Variants in USP12 observed in about 807,000 individuals in gnomAD.
The protein encoded by USP12 is ubiquitin carboxyl-terminal hydrolase 12.
A neutral mutation model predicts 45.5 loss-of-function variants in USP12; 19 were observed. The ratio of observed to expected loss-of-function variants is 0.42; its 90% CI spans 0.29 to 0.61. USP12 has a LOEUF of 0.61. Among genes scored for constraint, USP12 ranks in the 20% least tolerant of loss-of-function variants. The pLI is 0.22. For missense variants in USP12, 242 were observed against 447.7 expected, an observed-to-expected ratio of 0.54 and a Z score of 4.15; for synonymous variants, 149 against 148.8, an observed-to-expected ratio of 1.00 and a Z score of -0.01.
intron 6 of USP12, among the ~76,000 whole-genome samples, chr13:27,083,419 C>A (rs148001162): frequency 6.6e-6 from 1 of 152,096 alleles, no homozygotes; most frequent in African/African-American, 2.4e-5. Context: ...GTTCTGTTCT[C>A]TAAGACCTGA....
At chr13:27,127,979 T>C (rs752891990) in intron 1 of USP12, among the ~76,000 whole-genome samples, 5 of 152,252 alleles carry the variant, frequency 3.3e-5, no homozygotes, top group Admixed American at 6.5e-5. Flanking sequence ...AAACTCAATG[T>C]TCCTATTAGA....
intron 1 of USP12, among the ~76,000 whole-genome samples, chr13:27,144,357 T>C (rs750964127): frequency 2.2e-4 from 34 of 152,010 alleles, no homozygotes; most frequent in Non-Finnish European, 3.4e-4. Flanking sequence ...TAGCCAGGCA[T>C]GGTGGTGCAT....
intron 1 of USP12, among the ~76,000 whole-genome samples, chr13:27,139,587 G>A (rs1262806716): frequency 6.6e-6 from 1 of 152,184 alleles, no homozygotes; most frequent in African/African-American, 2.4e-5. Context: ...CTGCACTCCA[G>A]CCTGGGAGAA....
chr13:27,099,668 A>G (rs1362958064), intron 3 of USP12, among the ~76,000 whole-genome samples: 1 of 110,648 alleles, frequency 9.0e-6, no homozygotes, highest in Non-Finnish European at 1.8e-5. Flanking sequence ...CTCTTGCATT[A>G]CATGGTAAAA....
chr13:27,101,884 G>A (rs1874877060), intron 3 of USP12, among the ~76,000 whole-genome samples: 1 of 152,112 alleles, frequency 6.6e-6, no homozygotes, highest in South Asian at 2.1e-4. Flanking sequence ...ATCTGTTTTT[G>A]TATCTCTCCA....
intron 4 of USP12, 39 bp from the exon 5 acceptor site, chr13:27,090,197 C>A: frequency 6.6e-7 from 1 of 1,509,372 alleles, no homozygotes; most frequent in Non-Finnish European, 9.1e-7. Flanking sequence ...TTTTCAAATA[C>A]TAGTAAACCA....
intron 6 of USP12, among the ~76,000 whole-genome samples, chr13:27,081,009 ATTTTTTTTTTTT>A (rs372527345): frequency 7.0e-5 from 8 of 114,622 alleles, no homozygotes; most frequent in African/African-American, 2.3e-4. Context: ...GGCTGAGGCA[ATTTTTTTTTTTT>A]TTTTTTTTTT....
chr13:27,146,395 C>T (rs1480256000), intron 1 of USP12, among the ~76,000 whole-genome samples: 1 of 152,046 alleles, frequency 6.6e-6, no homozygotes, highest in Non-Finnish European at 1.5e-5. Context: ...AAGCCAGACT[C>T]TGTCTCAAAA....
chr13:27,149,886 C>T (rs1347825368), intron 1 of USP12, among the ~76,000 whole-genome samples: 2 of 152,230 alleles, frequency 1.3e-5, no homozygotes, highest in Non-Finnish European at 2.9e-5. Flanking sequence ...GTTCACACTC[C>T]TGAGAATCTA....
In USP12 at chr13:27,073,931, G is replaced by A. The variant is rs530330684; in HGVS notation, c.932+1260C>T. 2.0e-4 allele frequency among the ~76,000 whole-genome samples: 30 copies of A among 152,216 alleles called. 1 individual carries two copies. Among genetic ancestry groups the A allele is most frequent in the Middle Eastern group, 3.4e-3 (1 of 294 alleles). ...AACCCGGTCTGAATCACTACACCAA[G>A]GTTCTTTAAGTAATCTTGACACTGC... On this transcript the variant is annotated intron_variant, in intron 7 of 8. Transcript: ENST00000282344.
At chr13:27,105,173 GGCTT>G (rs1875069468) in intron 3 of USP12, among the ~76,000 whole-genome samples, 1 of 152,074 alleles carries the variant, frequency 6.6e-6, no homozygotes, top group African/African-American at 2.4e-5. Flanking sequence ...AGGGAGGTGG[GGCTT>G]ACTCAGTAAC....
chr13:27,103,606 A>AAAAAAAT (rs1555234500), intron 3 of USP12, among the ~76,000 whole-genome samples: 1 of 118,304 alleles, frequency 8.5e-6, no homozygotes, highest in African/African-American at 3.3e-5. Context: ...ATCAAAAAAA[A>AAAAAAAT]AAATAATAAT....
chr13:27,088,018 G>T (rs940319894), intron 6 of USP12, among the ~76,000 whole-genome samples: 45 of 152,156 alleles, frequency 3.0e-4, no homozygotes, highest in African/African-American at 9.9e-4. Context: ...ATTAAGTGAA[G>T]AACTCTGTAA....
At chr13:27,117,553 G>A (rs1028369220) in intron 1 of USP12, among the ~76,000 whole-genome samples, 4 of 151,858 alleles carry the variant, frequency 2.6e-5, no homozygotes, top group East Asian at 1.9e-4. Flanking sequence ...ACAGAAACAT[G>A]AGTATCTCAA....
intron 1 of USP12, among the ~76,000 whole-genome samples, chr13:27,166,741 A>G (rs1878362393): frequency 6.6e-6 from 1 of 152,228 alleles, no homozygotes; most frequent in African/African-American, 2.4e-5. Flanking sequence ...TATCTTTGTG[A>G]TAACTAAGTG....
rs1000807297 is a variant in USP12, at chr13:27,129,473, C to G, written c.49-12877G>C. ...GTGCAGTGGTTCATGCCCATAATAC[C>G]AGCACTTTGGGAAGTCAGAGCAGGA... On this transcript the variant is annotated intron_variant, in intron 1 of 8. Transcript: ENST00000282344. The surrounding 1 kb of genome is among the most constrained non-coding windows in gnomAD (Gnocchi z 4.0). Among the ~76,000 whole-genome samples the G allele has an allele frequency of 6.6e-6, 1 of 152,170 alleles. No homozygotes were observed. Among genetic ancestry groups the G allele is most frequent in the African/African-American group, 2.4e-5 (1 of 41,438 alleles).
At chr13:27,154,913 C>T (rs1341772884) in intron 1 of USP12, among the ~76,000 whole-genome samples, 1 of 151,936 alleles carries the variant, frequency 6.6e-6, no homozygotes, top group Non-Finnish European at 1.5e-5. Context: ...TTTGAAGATG[C>T]TGCAGGGGCC....
Position 27,171,669 on chromosome 13 carries a change from A to G in USP12, c.-30T>C, listed in dbSNP as rs974869903. ...CCAGCGCCATCTTCCACCCAATCACAGCGGCGGCGGCGGGCGGGGGAGGAG... is the reference window on the plus strand; with the variant it reads ...CCAGCGCCATCTTCCACCCAATCACGGCGGCGGCGGCGGGCGGGGGAGGAG... On this transcript the variant is annotated 5_prime_UTR_variant, in exon 1 of 9. Coordinates refer to ENST00000282344, the MANE Select transcript of USP12 (RefSeq NM_182488.4). 2 of 1,178,104 alleles carry G rather than the reference A, an allele frequency of 1.7e-6. No homozygotes were observed. Among genetic ancestry groups the G allele is most frequent in the Non-Finnish European group, 2.2e-6 (2 of 910,424 alleles). 73.0% of individuals were successfully genotyped at this position (1,178,104 alleles called of 1,614,324 possible).
intron 3 of USP12, among the ~76,000 whole-genome samples, chr13:27,101,748 T>C (rs777840514): frequency 6.6e-6 from 1 of 152,258 alleles, no homozygotes; most frequent in Non-Finnish European, 1.5e-5. Context: ...ATACCATTTA[T>C]GCTCTTTTGG....
Sources: allele counts gnomAD v4.1 joint callset (sites outside exome capture counted in the v4.1 genomes callset), GRCh38; gene constraint gnomAD v4.1.1; non-coding constraint Gnocchi (gnomAD v3.1); transcripts MANE v1.5; gene names NCBI Gene and HGNC (gene_info 2026-07-23, HGNC 2026-07-21).